Variants in COX18 observed in about 807,000 individuals in gnomAD.
COX18 encodes the protein cytochrome c oxidase assembly protein COX18, mitochondrial.
Under a neutral mutation model 38.0 loss-of-function variants are expected in COX18, and 45 were observed. The ratio of observed to expected loss-of-function variants is 1.18; its 90% CI spans 0.93 to 1.52. The LOEUF is 1.52. Ranked by LOEUF, COX18 falls within the 40% of genes most tolerant of loss-of-function variation. COX18 has a pLI of 0.00. For missense variants in COX18, 462 were observed against 423.8 expected, an observed-to-expected ratio of 1.09 and a Z score of -0.79; for synonymous variants, 177 against 169.8, an observed-to-expected ratio of 1.04 and a Z score of -0.33.
At chr4:73,061,128 T>C (rs1720133748) in intron 5 of COX18, among the ~76,000 whole-genome samples, 1 of 152,210 alleles carries the variant, frequency 6.6e-6, no homozygotes, top group Non-Finnish European at 1.5e-5. Context: ...GGGACAAGTT[T>C]ACCTATTTCA....
At position 73,057,560 on chromosome 4, in the gene COX18, G is replaced by A. The variant is rs1324123450; in HGVS notation, c.*554C>T. The A allele has an allele frequency of 6.6e-6, 1 of 152,280 alleles. No homozygotes were observed. Among genetic ancestry groups the A allele is most frequent in the Non-Finnish European group, 1.5e-5 (1 of 68,122 alleles). 9.4% of individuals were successfully genotyped at this position (152,280 alleles called of 1,614,324 possible). Reference sequence around the variant, plus strand: ...AAAGTTCTGGTAGCTCTAACAAACTGTAACTTTATAAACAGAGACAGGCAC... The same window carrying A: ...AAAGTTCTGGTAGCTCTAACAAACTATAACTTTATAAACAGAGACAGGCAC... On this transcript the variant is annotated 3_prime_UTR_variant, in exon 6 of 6. Transcript: ENST00000507544.
intron 5 of COX18, among the ~76,000 whole-genome samples, chr4:73,060,910 G>A (rs977666138): frequency 6.0e-5 from 9 of 151,230 alleles, no homozygotes; most frequent in Non-Finnish European, 1.2e-4. Flanking sequence ...CTGTGAGGTA[G>A]TTTTATATAT....
At chr4:73,067,864 A>AAATATATATATATATAT in intron 2 of COX18, among the ~76,000 whole-genome samples, 165 bp downstream of exon 2, 1 of 20,010 alleles carries the variant, frequency 5.0e-5, no homozygotes, top group Non-Finnish European at 1.6e-4. Flanking sequence ...AAAAAAAAAA[A>AAATATATATATATATAT]ATATATATAT....
At chr4:73,067,864 A>AAAAAATAGATATAT in intron 2 of COX18, among the ~76,000 whole-genome samples, 165 bp downstream of exon 2, 1 of 20,010 alleles carries the variant, frequency 5.0e-5, no homozygotes, top group Non-Finnish European at 1.6e-4. Flanking sequence ...AAAAAAAAAA[A>AAAAAATAGATATAT]ATATATATAT....
Position 73,069,385 on chromosome 4 carries a change from A to G in COX18, c.265T>C (p.Ser89Pro). ...GLPWWGSILLSTVALRGAVTL... is the reference protein window; with the variant it reads ...GLPWWGSILLPTVALRGAVTL... ...ACAGCACCCCGTAAGGCCACGGTGG[A>G]GAGCAGAATGCTGCCCCACCAGGGC... Residue 89 changes from serine to proline, a missense_variant, in exon 1 of 6, where the codon TCC becomes CCC. By Grantham distance (74) the Ser-to-Pro change is moderately conservative (BLOSUM62 -1). Transcript: ENST00000507544. The G allele has an allele frequency of 6.4e-7, 1 of 1,562,540 alleles. No individual in the cohort carries two copies. Among genetic ancestry groups the G allele is most frequent in the African/African-American group, 1.4e-5 (1 of 73,900 alleles).
chr4:73,057,891 C>T lies in COX18; in HGVS notation c.*223G>A, dbSNP rs377185015. 6.0e-5 allele frequency: 15 copies of T among 249,226 alleles called. No homozygotes were observed. Among genetic ancestry groups the T allele is most frequent in the African/African-American group, 3.4e-4 (15 of 44,284 alleles). The allele number at this position is 249,226 out of a possible 1,614,324, so 15.4% of individuals were successfully genotyped here. On this transcript the variant is annotated 3_prime_UTR_variant, in exon 6 of 6. Coordinates refer to ENST00000507544, the MANE Select transcript of COX18 (RefSeq NM_001297732.2). ...TTCACCATGTTGGCCAGGCTGGTCT[C>T]AAACTCCAGACCTCAGGTGATCCAC...
At chr4:73,062,853 GAA>G (rs35349487) in intron 4 of COX18, among the ~76,000 whole-genome samples, 1 of 129,654 alleles carries the variant, frequency 7.7e-6, no homozygotes, top group Non-Finnish European at 1.7e-5. Flanking sequence ...AGAAAAGAAG[GAA>G]AAAAAAAAAA....
intron 5 of COX18, among the ~76,000 whole-genome samples, chr4:73,059,249 G>A (rs1194571443): frequency 6.6e-6 from 1 of 152,226 alleles, no homozygotes; most frequent in African/African-American, 2.4e-5. Context: ...AAATCATGCA[G>A]TTGTTAAGTC....
In COX18 at chr4:73,069,536, G is replaced by A. The variant is rs766937345; in HGVS notation, c.114C>T (p.Leu38=). The change falls in exon 1 of 6, where the codon CTC becomes CTT. Residue 38 remains leucine, a synonymous_variant. Coordinates refer to ENST00000507544, the MANE Select transcript of COX18 (RefSeq NM_001297732.2). ...VPTSGAKRPT[L]PVWAVAPVSA... Reference sequence around the variant, plus strand: ...AGACTGGTGCCACTGCCCACACTGGGAGAGTGGGGCGCTTGGCGCCGCTCG... The same window carrying A: ...AGACTGGTGCCACTGCCCACACTGGAAGAGTGGGGCGCTTGGCGCCGCTCG... 6.3e-7 allele frequency: 1 copy of A among 1,579,134 alleles called. No homozygotes were observed. The highest frequency in any genetic ancestry group is 2.3e-5 in the East Asian group (1 of 43,238).
In COX18 at chr4:73,069,697, A is replaced by T. The variant is rs1577962576; in HGVS notation, c.-48T>A. 2 of 1,515,860 alleles carry T rather than the reference A, an allele frequency of 1.3e-6. No individual in the cohort carries two copies. The allele number at this position is 1,515,860 out of a possible 1,614,324, so 93.9% of individuals were successfully genotyped here. A position where few individuals can be genotyped will look rare whatever the true frequency, so the allele number is the denominator to read the frequency against. On this transcript the variant is annotated 5_prime_UTR_variant, in exon 1 of 6. Transcript: ENST00000507544. The stretch of plus-strand genomic sequence containing the variant: ...GATCCCGGGCCTCACAATCCAGCGG[A>T]CATACACCGGCCAGCCAAGGCTGAT...
At chr4:73,061,986 A>C in intron 4 of COX18, 66 bp from the exon 5 acceptor site, 1 of 847,698 alleles carries the variant, frequency 1.2e-6, no homozygotes, top group Non-Finnish European at 1.9e-6. Flanking sequence ...GACAAGCTTT[A>C]AAATATAAAC....
Position 73,056,775 on chromosome 4 carries a change from C to T in COX18, c.*1339G>A, listed in dbSNP as rs1719902421. Reference sequence around the variant, plus strand: ...GAAGAGAAAACCATACATATATAGCCTTTTTTCAGATGCTCAAAGAGGTCT... The same window carrying T: ...GAAGAGAAAACCATACATATATAGCTTTTTTTCAGATGCTCAAAGAGGTCT... On this transcript the variant is annotated 3_prime_UTR_variant, in exon 6 of 6. Coordinates refer to ENST00000507544, the MANE Select transcript of COX18 (RefSeq NM_001297732.2). The T allele has an allele frequency of 6.6e-6, 1 of 152,110 alleles. No individual in the cohort carries two copies. 9.4% of individuals were successfully genotyped at this position (152,110 alleles called of 1,614,324 possible). A position where few individuals can be genotyped will look rare whatever the true frequency, so the allele number is the denominator to read the frequency against.
Position 73,068,061 on chromosome 4 carries a change from T to G in COX18, c.402A>C (p.Ala134=). The change falls in exon 2 of 6, where the codon GCA becomes GCC. Residue 134 remains alanine, a synonymous_variant. Transcript: ENST00000507544. ...CTCTTTTGGACCACCCCAACTGATTTGCACGAACTGCAACTTCTTGGTTAA... is the reference window on the plus strand; with the variant it reads ...CTCTTTTGGACCACCCCAACTGATTGGCACGAACTGCAACTTCTTGGTTAA... ...RHLNQEVAVR[A]NQLGWSKRDA... is the part of the protein sequence containing the mutation. 6.2e-7 allele frequency: 1 copy of G among 1,610,762 alleles called. No homozygotes were observed. The highest frequency in any genetic ancestry group is 2.2e-5 in the East Asian group (1 of 44,700).
chr4:73,064,619 A>C (rs780393934), intron 4 of COX18, among the ~76,000 whole-genome samples, 159 bp downstream of exon 4: 1 of 152,274 alleles, frequency 6.6e-6, no homozygotes, highest in Non-Finnish European at 1.5e-5. Context: ...GTTAAGGGAC[A>C]GGCCTAAGCC....
rs1326301968 is a variant in COX18, at chr4:73,068,043, G to C, written c.420C>G (p.Ser140=). ...VAVRANQLGW[S]KRDARLTYLK... is the part of the protein sequence containing the mutation. ...AATTAGCTTACCTGGCATCTCTTTT[G>C]GACCACCCCAACTGATTTGCACGAA... Residue 140 remains serine (S), a synonymous_variant, in exon 2 of 6, where the codon TCC becomes TCG. Transcript: ENST00000507544. 1 of 1,607,372 alleles carries C rather than the reference G, an allele frequency of 6.2e-7. No homozygotes were observed. The highest frequency in any genetic ancestry group is 1.7e-5 in the Admixed American group (1 of 59,492).
In COX18 at chr4:73,064,474, A is replaced by G. The variant is rs114958299; in HGVS notation, c.723+304T>C. On this transcript the variant is annotated intron_variant, in intron 4 of 5. Coordinates refer to ENST00000507544, the MANE Select transcript of COX18 (RefSeq NM_001297732.2). Reference sequence around the variant, plus strand: ...AAGAATACAACCAGATTGACTGGGCATCTTTATTACTGTTTTTGCCAAAAG... The same window carrying G: ...AAGAATACAACCAGATTGACTGGGCGTCTTTATTACTGTTTTTGCCAAAAG... Among the ~76,000 whole-genome samples the G allele has an allele frequency of 6.1e-3, 934 of 152,338 alleles. 11 individuals carry two copies. The highest frequency in any genetic ancestry group is 0.019 in the African/African-American group (774 of 41,580).
At position 73,069,546 on chromosome 4, in the gene COX18, C is replaced by T. The variant is rs373182291; in HGVS notation, c.104G>A (p.Arg35His). ...LAPVPTSGAK[R>H]PTLPVWAVAP... ...CACTGCCCACACTGGGAGAGTGGGG[C>T]GCTTGGCGCCGCTCGTAGGAACCGG... The change falls in exon 1 of 6, where the codon CGC becomes CAC. Residue 35 changes from arginine (R) to histidine (H), a missense_variant. Arg to His is a conservative substitution (Grantham distance 29). Coordinates refer to ENST00000507544, the MANE Select transcript of COX18 (RefSeq NM_001297732.2). The T allele has an allele frequency of 1.9e-6, 3 of 1,572,472 alleles. No homozygotes were observed. The highest frequency in any genetic ancestry group is 2.6e-6 in the Non-Finnish European group (3 of 1,159,510).
intron 2 of COX18, 119 bp from the exon 3 acceptor site, chr4:73,065,532 G>T: frequency 2.4e-6 from 2 of 819,528 alleles, no homozygotes; most frequent in Non-Finnish European, 3.7e-6. Flanking sequence ...TTGTATAAGG[G>T]TTTCAGCTGT....
rs560917213 is a variant in COX18, at chr4:73,069,196, G to A, written c.333+121C>T. 1.1e-4 allele frequency: 80 copies of A among 714,396 alleles called. 2 individuals are homozygous for A. In the Middle Eastern group the frequency reaches 1.6e-3, roughly 14 times the overall value. The allele number at this position is 714,396 out of a possible 1,614,324, so 44.3% of individuals were successfully genotyped here. The stretch of plus-strand genomic sequence containing the variant: ...ATGGTCACAATGAAATGGTCACGAT[G>A]ATTAAACACTAAGCACTGCAGAAGG... On this transcript the variant is annotated intron_variant, in intron 1 of 5. Coordinates refer to ENST00000507544, the MANE Select transcript of COX18 (RefSeq NM_001297732.2).
Sources: gnomAD v4.1 joint callset for allele counts (sites outside exome capture counted in the v4.1 genomes callset) on GRCh38, gnomAD v4.1.1 for gene constraint, MANE v1.5 for transcripts, NCBI Gene and HGNC (gene_info 2026-07-23, HGNC 2026-07-21) for gene names.